CACNA1C: variants seen among roughly 807,000 people sequenced by gnomAD.
The protein encoded by CACNA1C is voltage-dependent L-type calcium channel subunit alpha-1C.
In CACNA1C, 30 loss-of-function variants were observed where a neutral mutation model predicts 229.0. That is an observed-to-expected ratio of 0.13 (90% CI 0.10 to 0.18). The LOEUF (loss-of-function observed/expected upper bound fraction) is 0.18, where lower values mean the gene tolerates loss of function less well. Among genes scored for constraint, CACNA1C ranks in the 10% least tolerant of loss-of-function variants. The probability of loss-of-function intolerance (pLI) is 1.00; values close to 1 mark genes in which losing one functional copy is unlikely to be tolerated. For missense variants in CACNA1C, 1,658 were observed against 2,845.0 expected (o/e 0.58, Z 9.49); for synonymous variants, 1,114 against 1,132.5 (o/e 0.98, Z 0.33).
intron 3 of CACNA1C, among the ~76,000 whole-genome samples, chr12:2,421,770 G>T (rs1170959371): frequency 6.6e-6 from 1 of 152,156 alleles, no homozygotes; most frequent in Non-Finnish European, 1.5e-5. Context: ...AATTAGCTGG[G>T]TGTGGTGGTG....
intron 9 of CACNA1C, among the ~76,000 whole-genome samples, chr12:2,519,562 C>T (rs1360936739): frequency 3.9e-5 from 6 of 152,184 alleles, no homozygotes; most frequent in African/African-American, 1.4e-4. Context: ...AAGCACAGAG[C>T]CCCCCATACG....
chr12:2,400,578 GAT>G (rs1439095999), intron 3 of CACNA1C, among the ~76,000 whole-genome samples: 1 of 152,190 alleles, frequency 6.6e-6, no homozygotes, highest in African/African-American at 2.4e-5. Flanking sequence ...TACAGAACGA[GAT>G]AATGCAAATA....
rs1239293910 is a variant in CACNA1C, at chr12:2,555,993, C to T, written c.1482-958C>T. Among the ~76,000 whole-genome samples, 3 of 152,252 alleles carry T rather than the reference C, an allele frequency of 2.0e-5. No homozygotes were observed. In the East Asian group the frequency reaches 5.8e-4, roughly 29 times the overall value. Reference sequence around the variant, plus strand: ...CATCCCTTTCTTCATCTCTAACTTGCGTTCTGTCCTTCTGCTTCTCCATCT... The same window carrying T: ...CATCCCTTTCTTCATCTCTAACTTGTGTTCTGTCCTTCTGCTTCTCCATCT... On this transcript the variant is annotated intron_variant, in intron 10 of 46. Transcript: ENST00000399655.
intron 1 of CACNA1C, among the ~76,000 whole-genome samples, chr12:2,039,135 A>G (rs989615760): frequency 6.6e-6 from 1 of 152,242 alleles, no homozygotes; most frequent in African/African-American, 2.4e-5. Flanking sequence ...TAGACAAATA[A>G]GAGCTGAAAC....
At chr12:2,347,660 C>A (rs946321299) in intron 3 of CACNA1C, among the ~76,000 whole-genome samples, 1 of 152,210 alleles carries the variant, frequency 6.6e-6, no homozygotes, top group African/African-American at 2.4e-5. Context: ...ATAGCTCCTG[C>A]CTTTGGGATT....
intron 3 of CACNA1C, among the ~76,000 whole-genome samples, chr12:2,230,063 T>G (rs1348408095): frequency 6.6e-6 from 1 of 152,104 alleles, no homozygotes; most frequent in East Asian, 1.9e-4. Flanking sequence ...TCCCTCAGGT[T>G]AGAGGCGGAA....
intron 3 of CACNA1C, among the ~76,000 whole-genome samples, chr12:2,256,131 TAGG>T (rs1274759365): frequency 2.6e-5 from 4 of 152,118 alleles, no homozygotes; most frequent in Admixed American, 2.0e-4. Context: ...AGGGATGGGG[TAGG>T]AGGAGGAATA....
Position 2,689,957 on chromosome 12 carries a change from C to T in CACNA1C, c.6118-943C>T, listed in dbSNP as rs2097727041. The T allele has an allele frequency of 6.6e-6, 1 of 152,338 alleles. No homozygotes were observed. The highest frequency in any genetic ancestry group is 6.5e-5 in the Admixed American group (1 of 15,278). 9.4% of individuals were successfully genotyped at this position (152,338 alleles called of 1,614,324 possible). A position where few individuals can be genotyped will look rare whatever the true frequency, so the allele number is the denominator to read the frequency against. The stretch of plus-strand genomic sequence containing the variant: ...GGCAAGGAGCAAGACAAACAGATGC[C>T]TGAAAGGAGCGAGTGCCAGGCTGCA... On this transcript the variant is annotated intron_variant, in intron 46 of 46. Transcript: ENST00000399655. The surrounding 1 kb of genome is among the most constrained non-coding windows in gnomAD (Gnocchi z 4.2).
In CACNA1C at chr12:2,639,857, C is replaced by G. The variant is rs1430941851; in HGVS notation, c.3912+5477C>G. On this transcript the variant is annotated intron_variant, in intron 30 of 46. Transcript: ENST00000399655. The surrounding 1 kb of genome is among the most constrained non-coding windows in gnomAD (Gnocchi z 4.2). ...CTCCCTTGGCTTTGGTGGAGCTCAC[C>G]TGGAGATTCTCCAGAGAAAAGGAGC... is the stretch of plus-strand genomic sequence containing the variant. Among the ~76,000 whole-genome samples, 2 of 152,102 alleles carry G rather than the reference C, an allele frequency of 1.3e-5. No homozygotes were observed. The highest frequency in any genetic ancestry group is 2.9e-5 in the Non-Finnish European group (2 of 68,006).
rs534708685 is a variant in CACNA1C at position 2,679,320 on chromosome 12, T to C, written c.5092-124T>C. 223 of 681,168 alleles carry C rather than the reference T, an allele frequency of 3.3e-4. No homozygotes were observed. Among genetic ancestry groups the C allele is most frequent in the Admixed American group, 5.9e-4 (20 of 34,006 alleles). The allele number at this position is 681,168 out of a possible 1,614,324, so 42.2% of individuals were successfully genotyped here. On this transcript the variant is annotated intron_variant, in intron 41 of 46. Coordinates refer to ENST00000399655, the MANE Select transcript of CACNA1C (RefSeq NM_000719.7). This position sits in a 1 kb window ranked among gnomAD's most constrained non-coding sequence, Gnocchi z 5.5. Reference sequence around the variant, plus strand: ...TCCTGGCTCCCAGCAGGGCTGTGCCTACCCGAAAGAAGGCAGCCCGCCTTC... The same window carrying C: ...TCCTGGCTCCCAGCAGGGCTGTGCCCACCCGAAAGAAGGCAGCCCGCCTTC...
intron 3 of CACNA1C, among the ~76,000 whole-genome samples, chr12:2,201,999 G>A (rs976777109): frequency 6.6e-6 from 1 of 152,200 alleles, no homozygotes; most frequent in Non-Finnish European, 1.5e-5. Context: ...TTCCTGGCAA[G>A]GACTCAGAAG....
At chr12:2,163,024 C>G (rs1465861028) in intron 3 of CACNA1C, among the ~76,000 whole-genome samples, 1 of 151,948 alleles carries the variant, frequency 6.6e-6, no homozygotes, top group Non-Finnish European at 1.5e-5. Context: ...TATGGAGAAA[C>G]CCCATCTCTA....
At chr12:2,025,073 G>A (rs1304690282) in intron 1 of CACNA1C, among the ~76,000 whole-genome samples, 2 of 152,188 alleles carry the variant, frequency 1.3e-5, no homozygotes, top group African/African-American at 4.8e-5. Flanking sequence ...TTCTGGGGAA[G>A]GCAGGCTTAG....
At chr12:2,510,057 C>T (rs139992042) in intron 8 of CACNA1C, among the ~76,000 whole-genome samples, 1 of 152,248 alleles carries the variant, frequency 6.6e-6, no homozygotes, top group African/African-American at 2.4e-5. Context: ...ATCGCTGAGC[C>T]CTGGCCCCTG....
chr12:2,154,087 C>G (rs1326962889), intron 3 of CACNA1C, among the ~76,000 whole-genome samples: 1 of 152,198 alleles, frequency 6.6e-6, no homozygotes, highest in Admixed American at 6.5e-5. Context: ...GAGTGATTTC[C>G]TGTATGAAAT....
intron 13 of CACNA1C, among the ~76,000 whole-genome samples, chr12:2,572,300 C>G (rs1205862996): frequency 6.8e-6 from 1 of 147,952 alleles, no homozygotes; most frequent in Non-Finnish European, 1.5e-5. Flanking sequence ...ATTATTATTC[C>G]TCCTCCTCCT....
At position 2,651,597 on chromosome 12, in the gene CACNA1C, T is replaced by A. The variant is rs753662859; in HGVS notation, c.3946-43T>A. Reference sequence around the variant, plus strand: ...AGGGGCCCTCCTGTTCTCACCCCCCTCTTGCTGTGCTAACTGCACCTCCTG... The same window carrying A: ...AGGGGCCCTCCTGTTCTCACCCCCCACTTGCTGTGCTAACTGCACCTCCTG... On this transcript the variant is annotated intron_variant, in intron 31 of 46. Coordinates refer to ENST00000399655, the MANE Select transcript of CACNA1C (RefSeq NM_000719.7). The surrounding 1 kb of genome is among the most constrained non-coding windows in gnomAD (Gnocchi z 5.4). 4 of 1,613,444 alleles carry A rather than the reference T, an allele frequency of 2.5e-6. No homozygotes were observed. The highest frequency in any genetic ancestry group is 3.3e-5 in the Admixed American group (2 of 59,986).
intron 1 of CACNA1C, among the ~76,000 whole-genome samples, chr12:2,046,797 A>ATAACAGCCCAGTGG (rs1467445736): frequency 6.6e-6 from 1 of 152,146 alleles, no homozygotes; most frequent in Non-Finnish European, 1.5e-5. Flanking sequence ...AGTGTAGTGT[A>ATAACAGCCCAGTGG]TAACAGCCCA....
intron 42 of CACNA1C, chr12:2,680,569 A>C: frequency 6.4e-7 from 1 of 1,563,752 alleles, no homozygotes; most frequent in African/African-American, 1.4e-5. Context: ...GCCCCCCAGC[A>C]TGCCAGGTTC....
Sources: gnomAD v4.1 joint callset for allele counts (sites outside exome capture counted in the v4.1 genomes callset) on GRCh38, gnomAD v4.1.1 for gene constraint, Gnocchi (gnomAD v3.1) non-coding constraint, MANE v1.5 for transcripts, NCBI Gene and HGNC (gene_info 2026-07-23, HGNC 2026-07-21) for gene names.